ARSJ: variants seen among roughly 807,000 people sequenced by gnomAD.
ARSJ encodes the protein arylsulfatase J.
In ARSJ, 26 loss-of-function variants were observed where a neutral mutation model predicts 35.9. The observed-to-expected ratio is 0.72, with a 90% CI of 0.53 to 1.00. The LOEUF (loss-of-function observed/expected upper bound fraction) is 1.00. Among genes scored for constraint, ARSJ ranks in the 50% least tolerant of loss-of-function variants. The pLI, the probability that ARSJ is intolerant of heterozygous loss-of-function variation, is 0.00. For missense variants in ARSJ, 667 were observed against 723.6 expected (o/e 0.92, Z 0.90); for synonymous variants, 294 against 267.6 (o/e 1.10, Z -0.96).
chr4:113,939,754 G>T (rs548209465), intron 1 of ARSJ, among the ~76,000 whole-genome samples: 19 of 151,850 alleles, frequency 1.3e-4, no homozygotes, highest in Non-Finnish European at 2.5e-4. Context: ...TTTTTGATGG[G>T]GTTGTTTTTT....
At chr4:113,960,512 C>T (rs1726478573) in intron 1 of ARSJ, among the ~76,000 whole-genome samples, 1 of 151,944 alleles carries the variant, frequency 6.6e-6, no homozygotes, top group African/African-American at 2.4e-5. Context: ...ACTGCCTCAA[C>T]TTTAATAGCT....
At chr4:113,922,719 T>C (rs1723762455) in intron 1 of ARSJ, among the ~76,000 whole-genome samples, 1 of 152,204 alleles carries the variant, frequency 6.6e-6, no homozygotes, top group African/African-American at 2.4e-5. Context: ...TGGTGATTTG[T>C]TAAACATGCC....
chr4:113,928,141 C>T (rs183113164), intron 1 of ARSJ, among the ~76,000 whole-genome samples: 7 of 152,248 alleles, frequency 4.6e-5, no homozygotes, highest in Non-Finnish European at 8.8e-5. Context: ...AACTGGAGGA[C>T]CACAATGATG....
intron 1 of ARSJ, among the ~76,000 whole-genome samples, chr4:113,969,094 T>C (rs1484915179): frequency 6.6e-6 from 1 of 152,218 alleles, no homozygotes; most frequent in Non-Finnish European, 1.5e-5. Flanking sequence ...GGCCTTTCCA[T>C]TACCCTATTT....
rs149958334 is a variant in ARSJ at position 113,909,784 on chromosome 4, A to C, written c.399-6109T>G. The stretch of plus-strand genomic sequence containing the variant: ...GAGCAGCATGAGAACAGAGTACTAC[A>C]CCTCTAAGCTTCTTCCTAACTATAA... On this transcript the variant is annotated intron_variant, in intron 1 of 1. Coordinates refer to ENST00000315366, the MANE Select transcript of ARSJ (RefSeq NM_024590.4). Among the ~76,000 whole-genome samples the C allele has an allele frequency of 1.7e-3, 251 of 151,878 alleles. 1 individual carries two copies. Among genetic ancestry groups the C allele is most frequent in the African/African-American group, 5.9e-3 (245 of 41,206 alleles).
chr4:113,946,238 G>A (rs1196216052), intron 1 of ARSJ: 1 of 151,758 alleles, frequency 6.6e-6, no homozygotes, highest in East Asian at 1.9e-4. Flanking sequence ...TCGACACTAG[G>A]GGCTGTGCTT....
chr4:113,935,564 A>G (rs377236097), intron 1 of ARSJ, among the ~76,000 whole-genome samples: 3 of 152,002 alleles, frequency 2.0e-5, no homozygotes, highest in African/African-American at 4.8e-5. Flanking sequence ...ATAAGTTAGT[A>G]AAGAGTAGTA....
At chr4:113,905,221 T>C (rs1594377657) in intron 1 of ARSJ, among the ~76,000 whole-genome samples, 1 of 152,198 alleles carries the variant, frequency 6.6e-6, no homozygotes, top group East Asian at 1.9e-4. Context: ...AATATAAAAA[T>C]GAAAATAAAA....
intron 1 of ARSJ, among the ~76,000 whole-genome samples, chr4:113,927,239 C>G (rs1724129750): frequency 6.6e-6 from 1 of 152,132 alleles, no homozygotes; most frequent in Admixed American, 6.5e-5. Flanking sequence ...AATATCGTAA[C>G]AGACCCCACT....
At chr4:113,966,007 C>T (rs1054504101) in intron 1 of ARSJ, among the ~76,000 whole-genome samples, 1 of 151,708 alleles carries the variant, frequency 6.6e-6, no homozygotes, top group Admixed American at 6.6e-5. Context: ...TCTGATAAAA[C>T]AATGTAAAGA....
At chr4:113,959,081 C>T (rs760803239) in intron 1 of ARSJ, among the ~76,000 whole-genome samples, 6 of 151,902 alleles carry the variant, frequency 3.9e-5, no homozygotes, top group East Asian at 1.9e-4. Flanking sequence ...TTTAAAAGCA[C>T]GATAAAATTT....
At chr4:113,947,055 A>G (rs1725534851) in intron 1 of ARSJ, among the ~76,000 whole-genome samples, 1 of 152,136 alleles carries the variant, frequency 6.6e-6, no homozygotes, top group Non-Finnish European at 1.5e-5. Context: ...TGTAAGTATT[A>G]CCTCTCATCA....
At chr4:113,963,158 A>G (rs1195249680) in intron 1 of ARSJ, among the ~76,000 whole-genome samples, 2 of 151,930 alleles carry the variant, frequency 1.3e-5, no homozygotes, top group East Asian at 3.9e-4. Context: ...ACCCTCTAGC[A>G]TACTATATAG....
intron 1 of ARSJ, among the ~76,000 whole-genome samples, chr4:113,904,149 G>A (rs368470706): frequency 2.0e-5 from 3 of 151,628 alleles, no homozygotes; most frequent in Non-Finnish European, 4.4e-5. Flanking sequence ...GGCTAGTCTC[G>A]AACTCCTGAC....
intron 1 of ARSJ, among the ~76,000 whole-genome samples, chr4:113,966,111 A>G (rs946307592): frequency 5.3e-5 from 8 of 151,838 alleles, no homozygotes; most frequent in African/African-American, 1.9e-4. Flanking sequence ...TATAGAATAG[A>G]TAATTTATAG....
intron 1 of ARSJ, among the ~76,000 whole-genome samples, chr4:113,917,960 A>G (rs745468844): frequency 2.6e-5 from 4 of 152,210 alleles, no homozygotes; most frequent in Non-Finnish European, 5.9e-5. Context: ...CATAATGCCT[A>G]GCACATAGAA....
At chr4:113,954,660 G>C (rs1243705942) in intron 1 of ARSJ, among the ~76,000 whole-genome samples, 5 of 152,004 alleles carry the variant, frequency 3.3e-5, no homozygotes, top group Admixed American at 3.3e-4. Flanking sequence ...TGATGCACAA[G>C]GAACCAATAG....
chr4:113,933,447 T>G (rs553724537), intron 1 of ARSJ, among the ~76,000 whole-genome samples: 3 of 151,860 alleles, frequency 2.0e-5, no homozygotes, highest in African/African-American at 7.2e-5. Flanking sequence ...ATGCAAAAAT[T>G]ATCAACAAAT....
At chr4:113,953,469 A>G (rs1410668283) in intron 1 of ARSJ, among the ~76,000 whole-genome samples, 1 of 152,108 alleles carries the variant, frequency 6.6e-6, no homozygotes, top group Non-Finnish European at 1.5e-5. Flanking sequence ...CTTTGTAAAC[A>G]TAATGTATGG....
Sources: allele counts gnomAD v4.1 joint callset (sites outside exome capture counted in the v4.1 genomes callset), GRCh38; gene constraint gnomAD v4.1.1; transcripts MANE v1.5; gene names NCBI Gene and HGNC (gene_info 2026-07-23, HGNC 2026-07-21).